EPC1: variants seen among roughly 807,000 people sequenced by gnomAD.
EPC1 encodes enhancer of polycomb homolog 1.
A neutral mutation model predicts 98.4 loss-of-function variants in EPC1; 12 were observed. The observed-to-expected ratio is 0.12, with a 90% CI of 0.08 to 0.20. EPC1 has a LOEUF of 0.20. Among genes scored for constraint, EPC1 ranks in the 10% least tolerant of loss-of-function variants. The pLI is 1.00. For missense variants in EPC1, 729 were observed against 990.5 expected, an observed-to-expected ratio of 0.74 and a Z score of 3.54; for synonymous variants, 357 against 363.9, an observed-to-expected ratio of 0.98 and a Z score of 0.21.
At chr10:32,363,243 T>C (rs1303067898) in intron 1 of EPC1, among the ~76,000 whole-genome samples, 1 of 152,142 alleles carries the variant, frequency 6.6e-6, no homozygotes, top group African/African-American at 2.4e-5. Context: ...CTGGCTAATC[T>C]TTATATTTTT....
chr10:32,326,329 T>A (rs1179730346), intron 1 of EPC1, among the ~76,000 whole-genome samples: 1 of 152,168 alleles, frequency 6.6e-6, no homozygotes, highest in African/African-American at 2.4e-5. Context: ...AACCATGGCA[T>A]TTAACTGTCA....
At chr10:32,372,839 G>T (rs1168972738) in intron 1 of EPC1, among the ~76,000 whole-genome samples, 2 of 152,180 alleles carry the variant, frequency 1.3e-5, no homozygotes, top group Non-Finnish European at 2.9e-5. Flanking sequence ...TGGCCAACAT[G>T]GCAAAATCCC....
intron 1 of EPC1, among the ~76,000 whole-genome samples, chr10:32,343,657 G>T (rs1238733423): frequency 7.0e-6 from 1 of 143,790 alleles, no homozygotes; most frequent in African/African-American, 2.5e-5. Context: ...TAAAAAAATA[G>T]ATAAGTTCAG....
At chr10:32,347,281 C>T, upstream of EPC1, 6 of 938,970 alleles carry the variant, frequency 6.4e-6, no homozygotes, top group Non-Finnish European at 8.0e-6. Flanking sequence ...TCCCGCCAAC[C>T]CCCGGCACCC....
intron 2 of EPC1, among the ~76,000 whole-genome samples, chr10:32,302,805 T>C (rs1835646121): frequency 6.6e-6 from 1 of 152,110 alleles, no homozygotes; most frequent in South Asian, 2.1e-4. Context: ...AAGATATTAC[T>C]ACACACCTAT....
At chr10:32,375,462 G>C (rs1275400440) in intron 1 of EPC1, among the ~76,000 whole-genome samples, 1 of 151,992 alleles carries the variant, frequency 6.6e-6, no homozygotes, top group African/African-American at 2.4e-5. Flanking sequence ...TTAGGAAATT[G>C]TGTTGGTTCA....
intron 10 of EPC1, chr10:32,281,718 G>A (rs1836419153): frequency 6.6e-6 from 1 of 151,698 alleles, no homozygotes; most frequent in South Asian, 2.1e-4. Context: ...GCCCAGGCTG[G>A]AATGCAATGG....
intron 1 of EPC1, among the ~76,000 whole-genome samples, chr10:32,339,218 CAG>C (rs1365822921): frequency 4.6e-5 from 7 of 152,102 alleles, no homozygotes; most frequent in Admixed American, 6.5e-5. Context: ...CTTTTGGAAA[CAG>C]ATTTAAATAT....
upstream of EPC1, among the ~76,000 whole-genome samples, chr10:32,350,010 C>T (rs1839065870): frequency 6.6e-6 from 1 of 152,112 alleles, no homozygotes; most frequent in Admixed American, 6.5e-5. Flanking sequence ...CCGAAAGATT[C>T]CTTGAAAAAA....
rs377321302 is a variant in EPC1, at chr10:32,291,264, G to T, written c.874C>A (p.Pro292Thr). Residue 292 changes from proline (P) to threonine (T), a missense_variant, in exon 6 of 14, where the codon CCA becomes ACA. Transcript: ENST00000319778. ...GGGATGGCATAAGTAGGTTTCATTGGCTGTCTCTGTGCCATAACCTCAGAC... is the reference window on the plus strand; with the variant it reads ...GGGATGGCATAAGTAGGTTTCATTGTCTGTCTCTGTGCCATAACCTCAGAC... Reference protein sequence around the residue: ...IMSEVMAQRQPMKPTYAIPII... With the variant: ...IMSEVMAQRQTMKPTYAIPII... 1 of 1,613,708 alleles carries T rather than the reference G, an allele frequency of 6.2e-7. No individual in the cohort carries two copies. Among genetic ancestry groups the T allele is most frequent in the East Asian group, 2.2e-5 (1 of 44,874 alleles).
At chr10:32,324,016 A>G (rs1006139873) in intron 1 of EPC1, among the ~76,000 whole-genome samples, 1 of 152,056 alleles carries the variant, frequency 6.6e-6, no homozygotes, top group Non-Finnish European at 1.5e-5. Flanking sequence ...GCTCACTGCA[A>G]GCTCCGCCTC....
intron 1 of EPC1, among the ~76,000 whole-genome samples, chr10:32,352,244 T>A (rs1353562660): frequency 1.3e-5 from 2 of 150,966 alleles, no homozygotes; most frequent in Non-Finnish European, 2.9e-5. Context: ...AGATGGGGTT[T>A]CACTGTGTTA....
intron 2 of EPC1, among the ~76,000 whole-genome samples, chr10:32,296,863 C>T (rs1164845332): frequency 6.6e-6 from 1 of 151,120 alleles, no homozygotes; most frequent in Non-Finnish European, 1.5e-5. Flanking sequence ...GCTGAGATCG[C>T]GCCACTGCAA....
chr10:32,302,145 C>T (rs771212657), intron 2 of EPC1, among the ~76,000 whole-genome samples: 6 of 151,716 alleles, frequency 4.0e-5, no homozygotes, highest in Non-Finnish European at 7.4e-5. Flanking sequence ...TGGTGGCATG[C>T]GCCTGTGGTC....
At chr10:32,279,209 C>T (rs1240036983) in intron 10 of EPC1, among the ~76,000 whole-genome samples, 2 of 152,038 alleles carry the variant, frequency 1.3e-5, no homozygotes, top group Non-Finnish European at 1.5e-5. Context: ...ATTAGCCAGG[C>T]GTGGTGGCAC....
intron 1 of EPC1, among the ~76,000 whole-genome samples, chr10:32,344,945 A>G (rs781010683): frequency 6.6e-6 from 1 of 152,224 alleles, no homozygotes; most frequent in Non-Finnish European, 1.5e-5. Context: ...ACTAAAGTCT[A>G]AAGTGTACTG....
intron 1 of EPC1, among the ~76,000 whole-genome samples, chr10:32,343,779 A>G (rs1838546807): frequency 6.6e-6 from 1 of 152,006 alleles, no homozygotes; most frequent in Non-Finnish European, 1.5e-5. Flanking sequence ...TCATAGTATT[A>G]AAACTGGTTA....
chr10:32,376,551 ATT>A (rs1165401865), intron 1 of EPC1, among the ~76,000 whole-genome samples: 1 of 152,046 alleles, frequency 6.6e-6, no homozygotes, highest in African/African-American at 2.4e-5. Flanking sequence ...TACAGTGAAC[ATT>A]TTCACATTTT....
At chr10:32,359,586 A>G (rs1315225847) in intron 1 of EPC1, among the ~76,000 whole-genome samples, 1 of 152,248 alleles carries the variant, frequency 6.6e-6, no homozygotes, top group Non-Finnish European at 1.5e-5. Context: ...TGGGCTTGCC[A>G]CAAACGTCAT....
Sources: gnomAD v4.1 joint callset for allele counts (sites outside exome capture counted in the v4.1 genomes callset) on GRCh38, gnomAD v4.1.1 for gene constraint, MANE v1.5 for transcripts, NCBI Gene and HGNC (gene_info 2026-07-23, HGNC 2026-07-21) for gene names.